Variants in DGUOK observed in about 807,000 individuals in gnomAD.
The protein encoded by DGUOK is deoxyguanosine kinase.
Under a neutral mutation model 36.6 loss-of-function variants are expected in DGUOK, and 30 were observed. The ratio of observed to expected loss-of-function variants is 0.82; its 90% CI spans 0.61 to 1.11. DGUOK has a LOEUF of 1.11. Among genes scored for constraint, DGUOK ranks in the 50% most tolerant of loss-of-function variants. DGUOK has a pLI of 0.00. For missense variants in DGUOK, 361 were observed against 336.4 expected (o/e 1.07, Z -0.57); for synonymous variants, 145 against 126.3 (o/e 1.15, Z -0.99).
intron 1 of DGUOK, among the ~76,000 whole-genome samples, chr2:73,934,094 G>A (rs1052934156): frequency 3.9e-5 from 6 of 152,110 alleles, no homozygotes; most frequent in Non-Finnish European, 5.9e-5. Flanking sequence ...TGTATTAGAC[G>A]TAAAATAATG....
intron 3 of DGUOK, among the ~76,000 whole-genome samples, chr2:73,950,006 G>C (rs912381782): frequency 6.6e-6 from 1 of 152,186 alleles, no homozygotes; most frequent in African/African-American, 2.4e-5. Flanking sequence ...TGCTTTCTTA[G>C]TAATACTGAA....
chr2:73,954,099 T>G (rs1682913588), intron 4 of DGUOK, among the ~76,000 whole-genome samples: 1 of 152,052 alleles, frequency 6.6e-6, no homozygotes, highest in Admixed American at 6.5e-5. Flanking sequence ...GCCAGCACTT[T>G]GGGAGACCAA....
rs104893633 is a variant in DGUOK at position 73,958,201 on chromosome 2, G to T, written c.763G>T (p.Asp255Tyr). 6 of 1,613,842 alleles carry T rather than the reference G, an allele frequency of 3.7e-6. No individual in the cohort carries two copies. Among genetic ancestry groups the T allele is most frequent in the Non-Finnish European group, 5.1e-6 (6 of 1,179,838 alleles). ...IPVLVLDVND[D>Y]FSEEVTKQED... Reference sequence around the variant, plus strand: ...AGTGCTGGTGTTGGATGTCAATGATGATTTTTCTGAGGAAGTAACCAAACA... The same window carrying T: ...AGTGCTGGTGTTGGATGTCAATGATTATTTTTCTGAGGAAGTAACCAAACA... Residue 255 changes from aspartate to tyrosine, a missense_variant, in exon 6 of 7, where the codon GAT becomes TAT. Coordinates refer to ENST00000264093, the MANE Select transcript of DGUOK (RefSeq NM_080916.3).
At chr2:73,952,502 C>T (rs1048982766) in intron 4 of DGUOK, among the ~76,000 whole-genome samples, 4 of 152,164 alleles carry the variant, frequency 2.6e-5, no homozygotes, top group Non-Finnish European at 5.9e-5. Context: ...AGTGAGAGTG[C>T]TGTGAGGTTG....
intron 5 of DGUOK, 116 bp downstream of exon 5, chr2:73,957,356 G>A (rs1230424881): frequency 7.6e-6 from 6 of 791,982 alleles, no homozygotes; most frequent in Non-Finnish European, 1.3e-5. Context: ...TACTGGAAAT[G>A]GTTGGAAATG....
intron 1 of DGUOK, among the ~76,000 whole-genome samples, chr2:73,927,650 T>G (rs1036794982): frequency 6.6e-6 from 1 of 152,240 alleles, no homozygotes; most frequent in Admixed American, 6.5e-5. Context: ...AATAATTTCT[T>G]AAGGCTTTTC....
At chr2:73,950,181 T>A (rs1218974822) in intron 3 of DGUOK, among the ~76,000 whole-genome samples, 1 of 34,908 alleles carries the variant, frequency 2.9e-5, no homozygotes, top group Non-Finnish European at 1.1e-4. Flanking sequence ...TTCACTTGTT[T>A]ATTTGTTTTG....
At chr2:73,948,191 G>A (rs76656488) in intron 3 of DGUOK, among the ~76,000 whole-genome samples, 5,041 of 152,166 alleles carry the variant, frequency 0.033, 201 homozygotes, top group African/African-American at 0.098. Flanking sequence ...CATGCCTCTC[G>A]GACTCCGAAG....
intron 1 of DGUOK, among the ~76,000 whole-genome samples, chr2:73,930,219 T>C (rs1239590950): frequency 2.0e-5 from 3 of 152,160 alleles, no homozygotes; most frequent in African/African-American, 7.2e-5. Context: ...GGAAGAAAGG[T>C]CATCAGCTAA....
intron 1 of DGUOK, among the ~76,000 whole-genome samples, chr2:73,931,797 T>C (rs1425171313): frequency 6.6e-6 from 1 of 152,204 alleles, no homozygotes; most frequent in Non-Finnish European, 1.5e-5. Flanking sequence ...TGCACTAGTT[T>C]TGTGGCTATT....
chr2:73,951,234 ACT>A (rs1208304558), intron 4 of DGUOK, among the ~76,000 whole-genome samples: 2 of 151,820 alleles, frequency 1.3e-5, no homozygotes, highest in African/African-American at 2.4e-5. Context: ...CCATTCTGTG[ACT>A]CTCTGGCTGG....
rs1156614553 is a variant in DGUOK, at chr2:73,958,126, A to G, written c.708-20A>G. The G allele has an allele frequency of 1.2e-6, 2 of 1,602,172 alleles. No homozygotes were observed. Among genetic ancestry groups the G allele is most frequent in the Non-Finnish European group, 1.7e-6 (2 of 1,169,558 alleles). On this transcript the variant is annotated intron_variant, in intron 5 of 6. Transcript: ENST00000264093. ...TACATTTCTTTTTTTCTGTCCCCCA[A>G]ACGTTCACGCTTCTTATAGGCTCCA...
At chr2:73,935,641 A>C (rs2104890963) in intron 1 of DGUOK, among the ~76,000 whole-genome samples, 1 of 152,320 alleles carries the variant, frequency 6.6e-6, no homozygotes, top group South Asian at 2.1e-4. Context: ...AGTTTAAGAA[A>C]TACTGCCCTG....
At position 73,950,752 on chromosome 2, in the gene DGUOK, C is replaced by G. The variant is rs1430774732; in HGVS notation, c.591+20C>G. On this transcript the variant is annotated intron_variant, in intron 4 of 6. Transcript: ENST00000264093. ...CCCCAGGTAACACTGAACCTACAAC[C>G]TTAGACTTTAGGGCCATATGAAACC... 1 of 1,614,016 alleles carries G rather than the reference C, an allele frequency of 6.2e-7. No homozygotes were observed. Among genetic ancestry groups the G allele is most frequent in the Non-Finnish European group, 8.5e-7 (1 of 1,180,004 alleles).
chr2:73,932,754 C>T lies in DGUOK; in HGVS notation c.142+5702C>T, dbSNP rs1681150682. On this transcript the variant is annotated intron_variant, in intron 1 of 6. Transcript: ENST00000264093. Reference sequence around the variant, plus strand: ...ATTATTCTGATCCTGAAGGTGCAGACAGCGGCATGTAAGGAAAATTGATCA... The same window carrying T: ...ATTATTCTGATCCTGAAGGTGCAGATAGCGGCATGTAAGGAAAATTGATCA... 12 of 807,332 alleles carry T rather than the reference C, an allele frequency of 1.5e-5. No homozygotes were observed. The South Asian group carries it at 2.2e-4, about 15-fold the overall frequency. The allele number at this position is 807,332 out of a possible 1,614,324, so 50.0% of individuals were successfully genotyped here.
chr2:73,932,544 G>A (rs1386745658), intron 1 of DGUOK: 1 of 1,083,240 alleles, frequency 9.2e-7, no homozygotes, highest in South Asian at 1.3e-5. Flanking sequence ...ACCCACACAG[G>A]GAATGTATTA....
At chr2:73,941,727 A>C (rs1034092281) in intron 2 of DGUOK, among the ~76,000 whole-genome samples, 1 of 152,060 alleles carries the variant, frequency 6.6e-6, no homozygotes, top group African/African-American at 2.4e-5. Context: ...CATTGTAGCT[A>C]TACTGCTTGT....
chr2:73,955,880 A>C (rs1683051690), intron 4 of DGUOK, among the ~76,000 whole-genome samples: 1 of 152,192 alleles, frequency 6.6e-6, no homozygotes, highest in Admixed American at 6.5e-5. Flanking sequence ...CTCAAAAAAA[A>C]AGAGTGAAGT....
At chr2:73,955,831 G>C (rs1049047565) in intron 4 of DGUOK, among the ~76,000 whole-genome samples, 9 of 151,990 alleles carry the variant, frequency 5.9e-5, no homozygotes, top group Non-Finnish European at 1.0e-4. Flanking sequence ...CTGAGATCGC[G>C]CCACTGCACT....
Sources: gnomAD v4.1 joint callset for allele counts (sites outside exome capture counted in the v4.1 genomes callset) on GRCh38, gnomAD v4.1.1 for gene constraint, MANE v1.5 for transcripts, NCBI Gene and HGNC (gene_info 2026-07-23, HGNC 2026-07-21) for gene names.